Variants in NLRC5 observed in about 807,000 individuals in gnomAD.
NLRC5 encodes the protein NLR family CARD domain containing 5, also known as protein NLRC5.
A neutral mutation model predicts 206.9 loss-of-function variants in NLRC5; 114 were observed. The observed-to-expected ratio is 0.55, with a 90% CI of 0.47 to 0.64. NLRC5 has a LOEUF of 0.64. NLRC5 is among the 30% of genes least tolerant of loss of function. The pLI is 0.00. For missense variants in NLRC5, 2,008 were observed against 2,305.5 expected (o/e 0.87, Z 2.64); for synonymous variants, 952 against 962.8 (o/e 0.99, Z 0.21).
intron 39 of NLRC5, among the ~76,000 whole-genome samples, chr16:57,075,005 CTTTTTTTTTTTTTTTTTTTTTTTT>C (rs77796033): frequency 8.1e-4 from 47 of 58,066 alleles, no homozygotes; most frequent in Non-Finnish European, 1.1e-3. Flanking sequence ...CTAGACTGTG[CTTTTTTTTTTTTTTTTTTTTTTTT>C]TTTTTTTTTT....
chr16:57,036,219 G>A (rs757289929), intron 14 of NLRC5, 36 bp downstream of exon 14: 8 of 1,598,514 alleles, frequency 5.0e-6, no homozygotes, highest in South Asian at 3.3e-5. Context: ...TACCAGGGAA[G>A]GCCCTGTAGA....
intron 33 of NLRC5, 114 bp downstream of exon 33, chr16:57,065,412 C>T (rs1298492958): frequency 1.5e-6 from 1 of 661,362 alleles, no homozygotes; most frequent in African/African-American, 1.9e-5. Flanking sequence ...GCTAGTTTTC[C>T]ATGTCCCCAG....
At position 57,042,298 on chromosome 16, in the gene NLRC5, C is replaced by G. The variant is rs777498293; in HGVS notation, c.3113+233C>G. 7.6e-4 allele frequency among the ~76,000 whole-genome samples: 116 copies of G among 152,302 alleles called. 1 individual carries two copies. Among genetic ancestry groups the G allele is most frequent in the Non-Finnish European group, 4.1e-4 (28 of 68,030 alleles). On this transcript the variant is annotated intron_variant, in intron 19 of 48. Transcript: ENST00000688547. The stretch of plus-strand genomic sequence containing the variant: ...TCAAGGTTTCACTTCTGGAACCTGT[C>G]TCCGCATCTCTGAACAGGCTTCTGA...
At chr16:57,033,153 T>A (rs2062077448) in intron 11 of NLRC5, among the ~76,000 whole-genome samples, 2 of 152,228 alleles carry the variant, frequency 1.3e-5, no homozygotes. Flanking sequence ...CTCATGCTCC[T>A]CGCCTTCTGA....
At chr16:57,006,782 T>C (rs961814872) in intron 1 of NLRC5, among the ~76,000 whole-genome samples, 4 of 152,032 alleles carry the variant, frequency 2.6e-5, no homozygotes, top group Non-Finnish European at 5.9e-5. Context: ...ACCACTTTGG[T>C]AGATAAAGGT....
At chr16:57,031,209 C>A (rs16965220) in intron 10 of NLRC5, among the ~76,000 whole-genome samples, 195 bp from the exon 11 acceptor site, 43,953 of 152,052 alleles carry the variant, frequency 0.29, 6,618 homozygotes, top group Middle Eastern at 0.41. Context: ...CAGGATTCAT[C>A]AAGCAAAGAC....
intron 1 of NLRC5, chr16:57,003,927 C>T (rs2058599328): frequency 6.6e-6 from 1 of 152,114 alleles, no homozygotes; most frequent in African/African-American, 2.4e-5. Flanking sequence ...GGAGTAGGGA[C>T]TCAAATCCAG....
chr16:57,005,398 C>A (rs1323614905), intron 1 of NLRC5, among the ~76,000 whole-genome samples: 1 of 151,606 alleles, frequency 6.6e-6, no homozygotes, highest in Non-Finnish European at 1.5e-5. Context: ...GTGGCTCACA[C>A]CTGTAATCCC....
chr16:57,077,710 C>G lies in NLRC5; in HGVS notation c.4920-9C>G, dbSNP rs1191388755. The G allele has an allele frequency of 2.6e-6, 4 of 1,559,592 alleles. 1 individual carries two copies. Among genetic ancestry groups the G allele is most frequent in the South Asian group, 2.4e-5 (2 of 83,398 alleles). On this transcript the variant is annotated splice_polypyrimidine_tract_variant and intron_variant, in intron 41 of 48. Coordinates refer to ENST00000688547, the MANE Select transcript of NLRC5 (RefSeq NM_001384950.1). ...ATCAGAGGACCTGATGGCTGCCCCC[C>G]TCCCACAGCCTCTCAGGGAATAGCA... is the stretch of plus-strand genomic sequence containing the variant.
chr16:57,079,115 C>T lies in NLRC5; in HGVS notation c.5147C>T (p.Pro1716Leu), dbSNP rs373485177. The change falls in exon 44 of 49, where the codon CCC becomes CTC. Residue 1716 changes from proline (P) to leucine (L), a missense_variant. Coordinates refer to ENST00000688547, the MANE Select transcript of NLRC5 (RefSeq NM_001384950.1). ...CTGGCCCAGGCCCTGGATGGATCCC[C>T]CCATTTGGAAGAGATCAGGTAAGTA... ...LSLAQALDGS[P>L]HLEEISLAEN... The T allele has an allele frequency of 1.8e-4, 284 of 1,614,036 alleles. No homozygotes were observed. Among genetic ancestry groups the T allele is most frequent in the Non-Finnish European group, 2.3e-4 (277 of 1,180,042 alleles).
At chr16:57,046,666 G>C in intron 22 of NLRC5, 25 bp downstream of exon 22, 1 of 1,600,910 alleles carries the variant, frequency 6.2e-7, no homozygotes, top group Non-Finnish European at 8.6e-7. Flanking sequence ...CTTCTTGTTT[G>C]GGGGTAACCA....
In NLRC5 at chr16:57,033,636, G is replaced by A. The variant is rs757865939; in HGVS notation, c.2510G>A (p.Arg837Lys). 1 of 1,614,174 alleles carries A rather than the reference G, an allele frequency of 6.2e-7. No individual in the cohort carries two copies. The highest frequency in any genetic ancestry group is 8.5e-7 in the Non-Finnish European group (1 of 1,180,008). ...APDLQESDGQ[R>K]KGAQSRSLTL... is the part of the protein sequence containing the mutation. ...GACCTGCAGGAAAGTGACGGCCAGA[G>A]GAAAGGGGCTCAGAGCAGAAGCTTG... is the stretch of plus-strand genomic sequence containing the variant. The change falls in exon 12 of 49, where the codon AGG becomes AAG. Residue 837 changes from arginine (R) to lysine (K), a missense_variant. Transcript: ENST00000688547.
Position 57,059,521 on chromosome 16 carries a change from G to A in NLRC5, c.3975G>A (p.Gly1325=). The A allele has an allele frequency of 1.2e-6, 2 of 1,611,776 alleles. No individual in the cohort carries two copies. Among genetic ancestry groups the A allele is most frequent in the Non-Finnish European group, 1.7e-6 (2 of 1,178,846 alleles). ...ACTTCTCCAGAGAGGACCAGGCTGG[G>A]AAGACACTCAGGTAATCCCTGCAGG... ...RIHFSREDQA[G]KTLRLSECSF... is the part of the protein sequence containing the mutation. The change falls in exon 30 of 49, where the codon GGG becomes GGA. Residue 1325 remains glycine (G), a synonymous_variant. Transcript: ENST00000688547.
At chr16:57,000,813 G>A (rs1432144482) in intron 1 of NLRC5, among the ~76,000 whole-genome samples, 4 of 152,102 alleles carry the variant, frequency 2.6e-5, no homozygotes, top group South Asian at 2.1e-4. Flanking sequence ...GGGAGGAAAT[G>A]GCCACTAACC....
chr16:57,061,702 G>A lies in NLRC5; in HGVS notation c.4154+1G>A, dbSNP rs1288239102. 6.2e-7 allele frequency: 1 copy of A among 1,602,494 alleles called. No individual in the cohort carries two copies. Among genetic ancestry groups the A allele is most frequent in the Non-Finnish European group, 8.5e-7 (1 of 1,176,556 alleles). ...GACCCGCAGGGCTGTTCAGCCTCAG[G>A]TACCTCCTCCCCCGCTGCCTCCGGG... is the stretch of plus-strand genomic sequence containing the variant. On this transcript the variant is annotated splice_donor_variant, in intron 32 of 48. Transcript: ENST00000688547. LOFTEE classifies it high-confidence loss of function.
At chr16:57,072,713 A>AT (rs58388582) in intron 38 of NLRC5, among the ~76,000 whole-genome samples, 2 of 152,070 alleles carry the variant, frequency 1.3e-5, no homozygotes, top group Non-Finnish European at 2.9e-5. Context: ...ATGACCAAAA[A>AT]AGTTCCATCT....
chr16:57,070,792 G>C (rs959073776), intron 38 of NLRC5, among the ~76,000 whole-genome samples, 174 bp downstream of exon 38: 12 of 150,716 alleles, frequency 8.0e-5, no homozygotes, highest in Non-Finnish European at 1.5e-4. Context: ...AATGGGCTGA[G>C]TGAGTGGTGG....
intron 18 of NLRC5, 122 bp downstream of exon 18, chr16:57,041,696 C>G: frequency 1.3e-6 from 1 of 774,836 alleles, no homozygotes; most frequent in Non-Finnish European, 2.1e-6. Flanking sequence ...AGTCAGAAAC[C>G]CCTTGGAGAA....
At chr16:57,034,967 G>A (rs1294304880) in intron 13 of NLRC5, 6 of 152,214 alleles carry the variant, frequency 3.9e-5, no homozygotes, top group African/African-American at 1.4e-4. Flanking sequence ...TAGGGGTGAG[G>A]GTTGTCGTGG....
Sources: gnomAD v4.1 joint callset for allele counts (sites outside exome capture counted in the v4.1 genomes callset) on GRCh38, gnomAD v4.1.1 for gene constraint, MANE v1.5 for transcripts, NCBI Gene and HGNC (gene_info 2026-07-23, HGNC 2026-07-21) for gene names.